The following RCBTB1 variants were observed in gnomAD, a reference collection of about 807,000 sequenced individuals.
RCBTB1 encodes the protein RCC1 and BTB domain-containing protein 1.
RCBTB1 carries 46 observed loss-of-function variants against 62.4 expected under a neutral mutation model. The ratio of observed to expected loss-of-function variants is 0.74; its 90% CI spans 0.58 to 0.94. The LOEUF (loss-of-function observed/expected upper bound fraction) is 0.94, where lower values mean the gene tolerates loss of function less well. Ranked by LOEUF, RCBTB1 falls within the 40% of genes least tolerant of loss-of-function variation. RCBTB1 has a pLI of 0.00. For missense variants in RCBTB1, 565 were observed against 654.9 expected (o/e 0.86, Z 1.50); for synonymous variants, 222 against 245.8 (o/e 0.90, Z 0.91).
intron 2 of RCBTB1, among the ~76,000 whole-genome samples, chr13:49,574,130 TG>T (rs1157431277): frequency 6.8e-6 from 1 of 146,106 alleles, no homozygotes; most frequent in South Asian, 2.2e-4. Flanking sequence ...TTTTTGGGGG[TG>T]GGGGGTGGAC....
At chr13:49,553,502 A>G (rs1234474474) in intron 6 of RCBTB1, among the ~76,000 whole-genome samples, 2 of 152,158 alleles carry the variant, frequency 1.3e-5, no homozygotes, top group African/African-American at 4.8e-5. Context: ...CCTTGGATAT[A>G]GAGTGAGAGG....
rs545531697 is a variant in RCBTB1, at chr13:49,577,840, A to G, written c.-42+2665T>C. On this transcript the variant is annotated intron_variant, in intron 2 of 12. Coordinates refer to ENST00000378302, the MANE Select transcript of RCBTB1 (RefSeq NM_018191.4). ...AAGCTTTAAACTACTCAAAACAGCA[A>G]CTTCTAATATGCAAAATGATATTTT... Among the ~76,000 whole-genome samples, 65 of 152,348 alleles carry G rather than the reference A, an allele frequency of 4.3e-4. 1 individual carries two copies. Among genetic ancestry groups the G allele is most frequent in the African/African-American group, 1.5e-3 (64 of 41,578 alleles).
At chr13:49,542,768 T>C (rs1960488742) in intron 10 of RCBTB1, among the ~76,000 whole-genome samples, 2 of 152,064 alleles carry the variant, frequency 1.3e-5, no homozygotes, top group African/African-American at 4.8e-5. Flanking sequence ...CAAGCTTATT[T>C]ATAAAACACT....
At chr13:49,582,228 T>G (rs992305914) in intron 1 of RCBTB1, among the ~76,000 whole-genome samples, 4 of 152,226 alleles carry the variant, frequency 2.6e-5, no homozygotes, top group African/African-American at 9.6e-5. Context: ...GGCTCATGCC[T>G]GTAATCCCAG....
intron 9 of RCBTB1, 64 bp downstream of exon 9, chr13:49,549,394 C>T (rs2139169651): frequency 4.7e-6 from 7 of 1,484,832 alleles, no homozygotes; most frequent in Non-Finnish European, 6.4e-6. Context: ...AGCAAAGACA[C>T]AGGAAAACTG....
intron 9 of RCBTB1, 103 bp from the exon 10 acceptor site, chr13:49,544,966 T>C: frequency 2.0e-6 from 2 of 977,212 alleles, no homozygotes; most frequent in South Asian, 1.7e-5. Flanking sequence ...TAATTCCACT[T>C]GTTTTTTTTT....
chr13:49,558,914 T>C (rs1962183504), intron 5 of RCBTB1, among the ~76,000 whole-genome samples: 1 of 152,198 alleles, frequency 6.6e-6, no homozygotes, highest in Admixed American at 6.6e-5. Context: ...ACTCAGTGAT[T>C]CACCATAAAT....
intron 4 of RCBTB1, among the ~76,000 whole-genome samples, chr13:49,566,053 T>TAGTAGAGACAGAGTTTTACCC (rs1962970753): frequency 7.3e-6 from 1 of 137,394 alleles, no homozygotes; most frequent in Non-Finnish European, 1.6e-5. Context: ...AAACAGATGC[T>TAGTAGAGACAGAGTTTTACCC]TGAAGGCAGC....
At chr13:49,534,887 AGC>A (rs1212859392) in intron 12 of RCBTB1, among the ~76,000 whole-genome samples, 1 of 152,124 alleles carries the variant, frequency 6.6e-6, no homozygotes, top group Non-Finnish European at 1.5e-5. Flanking sequence ...TACAAAAATT[AGC>A]CGGGCGTGGT....
At chr13:49,553,506 T>A (rs984751125) in intron 6 of RCBTB1, among the ~76,000 whole-genome samples, 10 of 151,286 alleles carry the variant, frequency 6.6e-5, no homozygotes, top group Non-Finnish European at 1.2e-4. Flanking sequence ...GGATATAGAG[T>A]GAGAGGAGGC....
At chr13:49,547,076 T>G in intron 9 of RCBTB1, 1 of 1,271,512 alleles carries the variant, frequency 7.9e-7, no homozygotes, top group Non-Finnish European at 1.0e-6. Context: ...TCTGAAGATG[T>G]GTACAGAAGT....
chr13:49,569,796 A>AC (rs1470112492), intron 2 of RCBTB1, among the ~76,000 whole-genome samples: 1 of 151,968 alleles, frequency 6.6e-6, no homozygotes, highest in East Asian at 1.9e-4. Context: ...AGTCTCAGTT[A>AC]CTCAGGAGGC....
At chr13:49,554,158 T>C (rs929446355) in intron 6 of RCBTB1, among the ~76,000 whole-genome samples, 6 of 152,128 alleles carry the variant, frequency 3.9e-5, no homozygotes, top group African/African-American at 1.2e-4. Flanking sequence ...GCAGTAGGTA[T>C]AATCATCCCA....
chr13:49,563,843 A>C (rs1962680422), intron 4 of RCBTB1, among the ~76,000 whole-genome samples: 1 of 152,182 alleles, frequency 6.6e-6, no homozygotes, highest in Non-Finnish European at 1.5e-5. Context: ...TTCAGTTAGG[A>C]GTTACAGGCA....
chr13:49,559,878 G>GAAA, intron 5 of RCBTB1, 40 bp downstream of exon 5: 2 of 1,230,612 alleles, frequency 1.6e-6, no homozygotes, highest in Non-Finnish European at 2.2e-6. Context: ...TTACTATGAT[G>GAAA]AAAAAAAAAA....
chr13:49,559,778 T>A (rs1404800444), intron 5 of RCBTB1, 140 bp downstream of exon 5: 2 of 691,382 alleles, frequency 2.9e-6, no homozygotes, highest in Non-Finnish European at 4.6e-6. Flanking sequence ...TGCATGCTGG[T>A]GACAGTTGTA....
chr13:49,575,289 T>C (rs902993864), intron 2 of RCBTB1, among the ~76,000 whole-genome samples: 6 of 152,166 alleles, frequency 3.9e-5, no homozygotes, highest in Non-Finnish European at 8.8e-5. Context: ...GAGGCAACAC[T>C]ATACACTGTT....
chr13:49,541,901 G>A, intron 10 of RCBTB1, 74 bp from the exon 11 acceptor site: 28 of 1,481,056 alleles, frequency 1.9e-5, no homozygotes, highest in South Asian at 1.6e-4. Flanking sequence ...ACCTAATTAA[G>A]TTGATAAAAT....
At position 49,566,747 on chromosome 13, in the gene RCBTB1, A is replaced by G. The variant is rs761644082; in HGVS notation, c.148T>C (p.Tyr50His). The change falls in exon 4 of 13, where the codon TAT becomes CAT. Residue 50 changes from tyrosine to histidine, a missense_variant. Coordinates refer to ENST00000378302, the MANE Select transcript of RCBTB1 (RefSeq NM_018191.4). ...NDEVFVFGLN[Y>H]SNCLGTGDNQ... The stretch of plus-strand genomic sequence containing the variant: ...TCTCCAGTTCCTAGACAGTTACTAT[A>G]GTTCAGTCCAAATACAAAGACCTAG... 2 of 1,610,288 alleles carry G rather than the reference A, an allele frequency of 1.2e-6. No individual in the cohort carries two copies. Among genetic ancestry groups the G allele is most frequent in the Non-Finnish European group, 1.7e-6 (2 of 1,178,998 alleles).
Sources: allele counts gnomAD v4.1 joint callset (sites outside exome capture counted in the v4.1 genomes callset), GRCh38; gene constraint gnomAD v4.1.1; transcripts MANE v1.5; gene names NCBI Gene and HGNC (gene_info 2026-07-23, HGNC 2026-07-21).